The following OTC variants were observed in gnomAD, a reference collection of about 807,000 sequenced individuals.
The protein encoded by OTC is ornithine transcarbamylase, mitochondrial.
In OTC, 3 loss-of-function variants were observed where a neutral mutation model predicts 30.3. The observed-to-expected ratio is 0.10, with a 90% CI of 0.05 to 0.26. The LOEUF is 0.26. Ranked by LOEUF, OTC falls within the 10% of genes least tolerant of loss-of-function variation. The pLI, the probability that OTC is intolerant of heterozygous loss-of-function variation, is 1.00. For synonymous variants in OTC, 111 were observed against 99.7 expected (o/e 1.11, Z -0.67); for missense variants, 194 against 260.3 (o/e 0.75, Z 1.75).
the OTC span, among the ~76,000 whole-genome samples, chrX:38,330,050 G>T: frequency 2.0e-4 from 23 of 112,202 alleles, no homozygotes; most frequent in African/African-American, 7.5e-4. Flanking sequence ...TTGAGATGGA[G>T]AAATTATTCT....
At chrX:38,368,127 C>G (rs375085488) in intron 2 of OTC, among the ~76,000 whole-genome samples, 49 of 109,712 alleles carry the variant, frequency 4.5e-4, no homozygotes, top group African/African-American at 1.5e-3. Context: ...TTAGGGAGGC[C>G]AGGCAGGCAA....
At chrX:38,359,373 G>T (rs1022277664) in intron 1 of OTC, among the ~76,000 whole-genome samples, 2 of 110,702 alleles carry the variant, frequency 1.8e-5, no homozygotes, top group Non-Finnish European at 3.8e-5. Context: ...CTTGTGTTCA[G>T]CCTGGGCCAT....
chrX:38,381,512 A>G (rs987402509), intron 4 of OTC, 83 bp downstream of exon 4: 1 of 666,455 alleles, frequency 1.5e-6, no homozygotes, highest in Admixed American at 2.5e-5. Flanking sequence ...TTCTCTTTAA[A>G]TAATGGTTTT....
the OTC span, among the ~76,000 whole-genome samples, chrX:38,334,836 C>T: frequency 2.7e-5 from 3 of 111,692 alleles, no homozygotes; most frequent in African/African-American, 6.5e-5. Context: ...CCGGGCCACA[C>T]GGCAGGAGGT....
At chrX:38,422,009 G>C (rs1403298214), downstream of OTC, among the ~76,000 whole-genome samples, 1 of 111,756 alleles carries the variant, frequency 8.9e-6, no homozygotes, top group African/African-American at 3.2e-5. Context: ...TCTTGCGGGT[G>C]ACTAACATTT....
rs558516990 is a variant in OTC, at chrX:38,421,303, C to G, written c.*221C>G. 6 of 389,397 alleles carry G rather than the reference C, an allele frequency of 1.5e-5. No homozygotes were observed. In the South Asian group the frequency reaches 2.2e-4, roughly 14 times the overall value. 32.1% of individuals were successfully genotyped at this position (389,397 alleles called of 1,213,427 possible). A position where few individuals can be genotyped will look rare whatever the true frequency, so the allele number is the denominator to read the frequency against. ...TAACTTTGCTTAAACTCTCTAATTC[C>G]CAATTTCTGAGTTACATTTAGATAT... On this transcript the variant is annotated 3_prime_UTR_variant, in exon 10 of 10. Transcript: ENST00000039007.
intron 1 of OTC, among the ~76,000 whole-genome samples, chrX:38,362,884 T>A (rs774592492): frequency 1.8e-5 from 2 of 111,788 alleles, no homozygotes; most frequent in African/African-American, 6.5e-5. Flanking sequence ...GGAGAAAAAA[T>A]TTAGTCCTTT....
intron 4 of OTC, among the ~76,000 whole-genome samples, chrX:38,400,559 C>T (rs1368251427): frequency 9.0e-6 from 1 of 111,344 alleles, no homozygotes. Context: ...AAGAAGGATG[C>T]GTGGGTAGGG....
In OTC at chrX:38,381,334, T is replaced by G. The variant is rs73196229; in HGVS notation, c.299-8T>G. On this transcript the variant is annotated splice_polypyrimidine_tract_variant and splice_region_variant and intron_variant, in intron 3 of 9. Transcript: ENST00000039007. ...CAAAATGATTTTTTTCTTTTTTTTT[T>G]ATTGTAGGCTTTGCACTTCTGGGAG... 4.4e-6 allele frequency: 5 copies of G among 1,127,661 alleles called. No individual in the cohort carries two copies. Among genetic ancestry groups the G allele is most frequent in the Non-Finnish European group, 6.0e-6 (5 of 829,258 alleles). The allele number at this position is 1,127,661 out of a possible 1,213,427, so 92.9% of individuals were successfully genotyped here. A position where few individuals can be genotyped will look rare whatever the true frequency, so the allele number is the denominator to read the frequency against.
chrX:38,335,959 G>T, the OTC span, among the ~76,000 whole-genome samples: 1 of 110,468 alleles, frequency 9.1e-6, no homozygotes, highest in African/African-American at 3.3e-5. Context: ...TGTTAAGTCT[G>T]TTGGGTTTCT....
chrX:38,374,561 A>G (rs1375556199), intron 3 of OTC, among the ~76,000 whole-genome samples: 4 of 111,249 alleles, frequency 3.6e-5, no homozygotes, highest in Non-Finnish European at 7.5e-5. Flanking sequence ...CTGCCTGTAC[A>G]CACTTTCTGT....
intron 1 of OTC, among the ~76,000 whole-genome samples, chrX:38,363,446 C>G (rs186801260): frequency 9.0e-6 from 1 of 111,572 alleles, no homozygotes; most frequent in African/African-American, 3.3e-5. Context: ...ATTAAGCTGC[C>G]GTGCCTTCAT....
At chrX:38,331,740 A>G in the OTC span, among the ~76,000 whole-genome samples, 1 of 104,657 alleles carries the variant, frequency 9.6e-6, no homozygotes, top group Non-Finnish European at 1.9e-5. Flanking sequence ...ACACCACCAC[A>G]CCCAGATAAT....
chrX:38,422,265 TA>T (rs1234427506), downstream of OTC, among the ~76,000 whole-genome samples: 1 of 112,008 alleles, frequency 8.9e-6, no homozygotes, highest in East Asian at 2.8e-4. Flanking sequence ...GAAGGTGCAA[TA>T]AAACATTTTT....
the OTC span, among the ~76,000 whole-genome samples, chrX:38,337,025 G>A: frequency 1.8e-5 from 2 of 111,247 alleles, no homozygotes; most frequent in African/African-American, 6.6e-5. Flanking sequence ...TCCATTTCCT[G>A]ATCGTTGGAA....
intron 4 of OTC, among the ~76,000 whole-genome samples, chrX:38,391,247 G>T (rs2068427406): frequency 2.7e-5 from 3 of 110,712 alleles, no homozygotes; most frequent in Non-Finnish European, 3.8e-5. Flanking sequence ...CCTGTTGTGG[G>T]GTGGGGGAAG....
downstream of OTC, among the ~76,000 whole-genome samples, chrX:38,422,185 G>GA (rs747833335): frequency 2.7e-5 from 3 of 111,841 alleles, no homozygotes; most frequent in Non-Finnish European, 3.8e-5. Context: ...CTGGTTGACT[G>GA]ATATTCTTCA....
chrX:38,372,588 A>C (rs1308441223), intron 3 of OTC, among the ~76,000 whole-genome samples: 2 of 112,329 alleles, frequency 1.8e-5, no homozygotes, highest in Non-Finnish European at 3.8e-5. Context: ...ACAACAAATA[A>C]ATGAAGCAAG....
intron 9 of OTC, among the ~76,000 whole-genome samples, chrX:38,414,743 G>C (rs1444863833): frequency 8.9e-6 from 1 of 112,061 alleles, no homozygotes; most frequent in Non-Finnish European, 1.9e-5. Flanking sequence ...CCTGCCTATG[G>C]TGTGAGACAG....
Sources: allele counts gnomAD v4.1 joint callset (sites outside exome capture counted in the v4.1 genomes callset), GRCh38; gene constraint gnomAD v4.1.1; transcripts MANE v1.5; gene names NCBI Gene and HGNC (gene_info 2026-07-23, HGNC 2026-07-21).